The following INTS6 variants were observed in gnomAD, a reference collection of about 807,000 sequenced individuals.
The protein encoded by INTS6 is integrator complex subunit 6, also known as DEAD box protein.
Under a neutral mutation model 104.9 loss-of-function variants are expected in INTS6, and 16 were observed. The observed-to-expected ratio is 0.15, with a 90% CI of 0.10 to 0.23. The LOEUF (loss-of-function observed/expected upper bound fraction) is 0.23. Among genes scored for constraint, INTS6 ranks in the 10% least tolerant of loss-of-function variants. INTS6 has a pLI of 1.00. For missense variants in INTS6, 584 were observed against 1,062.8 expected, an observed-to-expected ratio of 0.55 and a Z score of 6.26; for synonymous variants, 324 against 358.7, an observed-to-expected ratio of 0.90 and a Z score of 1.09.
chr13:51,378,587 G>GCC (rs1955981478), intron 11 of INTS6, 133 bp from the exon 12 acceptor site: 1 of 439,634 alleles, frequency 2.3e-6, no homozygotes, highest in African/African-American at 2.0e-5. Flanking sequence ...AAGTAGCATA[G>GCC]TTTATGTCAA....
intron 4 of INTS6, among the ~76,000 whole-genome samples, chr13:51,410,145 T>A (rs1956657425): frequency 6.6e-6 from 1 of 152,168 alleles, no homozygotes; most frequent in South Asian, 2.1e-4. Flanking sequence ...GTAAAAAGTG[T>A]CATTTTTCCC....
At chr13:51,377,491 G>A (rs1193760147) in intron 12 of INTS6, among the ~76,000 whole-genome samples, 1 of 151,928 alleles carries the variant, frequency 6.6e-6, no homozygotes, top group Non-Finnish European at 1.5e-5. Flanking sequence ...TTAAGATCAC[G>A]ACCACTTCAA....
At chr13:51,400,299 TA>T (rs1956412915) in intron 4 of INTS6, among the ~76,000 whole-genome samples, 1 of 152,264 alleles carries the variant, frequency 6.6e-6, no homozygotes, top group African/African-American at 2.4e-5. Context: ...TCTACTCTGT[TA>T]CCTCTTCCAT....
rs1955612930 is a variant in INTS6, at chr13:51,363,035, T to G, written c.*2717A>C. The G allele has an allele frequency of 6.6e-6, 1 of 151,294 alleles. No individual in the cohort carries two copies. Among genetic ancestry groups the G allele is most frequent in the South Asian group, 2.1e-4 (1 of 4,796 alleles). The allele number at this position is 151,294 out of a possible 1,614,324, so 9.4% of individuals were successfully genotyped here. ...TCTTAGAAAGGACACGTCAAAAAAA[T>G]GAAAGATGAGAAAAAGGACAGGTTC... On this transcript the variant is annotated 3_prime_UTR_variant, in exon 18 of 18. Transcript: ENST00000311234.
At chr13:51,435,109 T>A (rs1047532995) in intron 3 of INTS6, among the ~76,000 whole-genome samples, 1 of 152,082 alleles carries the variant, frequency 6.6e-6, no homozygotes, top group Admixed American at 6.6e-5. Context: ...TAAGTAGCCT[T>A]TATCATAATT....
chr13:51,389,235 G>A, intron 6 of INTS6, 84 bp downstream of exon 6: 1 of 1,474,874 alleles, frequency 6.8e-7, no homozygotes, highest in Non-Finnish European at 9.1e-7. Flanking sequence ...CCTATCTTAA[G>A]GCCAAATCAC....
At position 51,374,453 on chromosome 13, in the gene INTS6, G is replaced by A. The variant is rs1259580633; in HGVS notation, c.1873-14C>T. The A allele has an allele frequency of 1.9e-6, 3 of 1,556,876 alleles. No homozygotes were observed. Among genetic ancestry groups the A allele is most frequent in the Non-Finnish European group, 2.6e-6 (3 of 1,143,942 alleles). On this transcript the variant is annotated splice_polypyrimidine_tract_variant and intron_variant, in intron 14 of 17. Transcript: ENST00000311234. ...TATCATCATACCCTTTAGCAAAAAA[G>A]AATACAACTTTCTTGAATTTACAAA...
At chr13:51,442,141 ATT>A (rs59665801) in intron 3 of INTS6, 2 of 133,598 alleles carry the variant, frequency 1.5e-5, no homozygotes, top group Non-Finnish European at 3.2e-5. Context: ...TTTGACCATG[ATT>A]TTTTTTTTTT....
intron 3 of INTS6, among the ~76,000 whole-genome samples, chr13:51,432,838 T>C (rs1167435881): frequency 6.6e-6 from 1 of 152,208 alleles, no homozygotes; most frequent in African/African-American, 2.4e-5. Context: ...ATTCAAAGAT[T>C]TGAGTGGTTA....
the INTS6 span, chr13:51,341,267 T>A: frequency 6.2e-7 from 1 of 1,613,208 alleles, no homozygotes; most frequent in Non-Finnish European, 8.5e-7. Flanking sequence ...GGTGTGTCCC[T>A]CCCCCTGGAG....
At chr13:51,343,351 G>C in the INTS6 span, among the ~76,000 whole-genome samples, 1 of 152,226 alleles carries the variant, frequency 6.6e-6, no homozygotes, top group Non-Finnish European at 1.5e-5. Context: ...TGAGAAGCTT[G>C]GGGTACGCCA....
chr13:51,344,810 T>TC, the INTS6 span, among the ~76,000 whole-genome samples: 1 of 152,034 alleles, frequency 6.6e-6, no homozygotes, highest in Non-Finnish European at 1.5e-5. Context: ...CATGCAACTG[T>TC]CCCCCGACTG....
the INTS6 span, among the ~76,000 whole-genome samples, chr13:51,345,323 C>T: frequency 6.6e-6 from 1 of 151,990 alleles, no homozygotes; most frequent in Non-Finnish European, 1.5e-5. Context: ...CATTCAAGAC[C>T]CAGTGTTGGT....
At chr13:51,390,999 G>A (rs546785906) in intron 5 of INTS6, among the ~76,000 whole-genome samples, 7 of 152,208 alleles carry the variant, frequency 4.6e-5, no homozygotes, top group African/African-American at 1.7e-4. Flanking sequence ...CCCTTACAGT[G>A]TATCAGAAAC....
Position 51,365,742 on chromosome 13 carries a change from C to G in INTS6, c.*10G>C. 1 of 1,436,824 alleles carries G rather than the reference C, an allele frequency of 7.0e-7. No individual in the cohort carries two copies. Among genetic ancestry groups the G allele is most frequent in the Non-Finnish European group, 9.6e-7 (1 of 1,039,276 alleles). 89.0% of individuals were successfully genotyped at this position (1,436,824 alleles called of 1,614,324 possible). A position where few individuals can be genotyped will look rare whatever the true frequency, so the allele number is the denominator to read the frequency against. ...AGATAGTGAAATAAGTGGCCACATT[C>G]TATTTTCTTTTAATTGCTATTAATA... On this transcript the variant is annotated 3_prime_UTR_variant, in exon 18 of 18. Transcript: ENST00000311234.
rs1208609377 is a variant in INTS6, at chr13:51,381,995, C to T, written c.1275+34G>A. Reference sequence around the variant, plus strand: ...GGATTACAGGCGTGAGTCACTGCGCCCGGCCAACAAGTTCTTTTAAATAAT... The same window carrying T: ...GGATTACAGGCGTGAGTCACTGCGCTCGGCCAACAAGTTCTTTTAAATAAT... On this transcript the variant is annotated intron_variant, in intron 10 of 17. Coordinates refer to ENST00000311234, the MANE Select transcript of INTS6 (RefSeq NM_012141.3). The T allele has an allele frequency of 8.1e-6, 12 of 1,475,822 alleles. No homozygotes were observed. The East Asian group carries it at 2.6e-4, about 32-fold the overall frequency. 91.4% of individuals were successfully genotyped at this position (1,475,822 alleles called of 1,614,324 possible).
At chr13:51,375,159 C>A (rs534361765) in intron 13 of INTS6, among the ~76,000 whole-genome samples, 2 of 152,024 alleles carry the variant, frequency 1.3e-5, no homozygotes, top group African/African-American at 4.8e-5. Context: ...ATGAGACCAG[C>A]CTGGCCAACA....
At chr13:51,377,048 T>C (rs114655977) in intron 12 of INTS6, among the ~76,000 whole-genome samples, 3,042 of 152,298 alleles carry the variant, frequency 0.02, 52 homozygotes, top group African/African-American at 0.049. Flanking sequence ...TCAATCCCTG[T>C]ATTTTTTGTC....
intron 3 of INTS6, chr13:51,445,919 C>T (rs987704018): frequency 1.3e-4 from 20 of 152,102 alleles, no homozygotes; most frequent in Non-Finnish European, 2.9e-4. Context: ...ATACCATATA[C>T]AAAAATTAAT....
Sources: gnomAD v4.1 joint callset for allele counts (sites outside exome capture counted in the v4.1 genomes callset) on GRCh38, gnomAD v4.1.1 for gene constraint, MANE v1.5 for transcripts, NCBI Gene and HGNC (gene_info 2026-07-23, HGNC 2026-07-21) for gene names.